KDM4C: variants seen among roughly 807,000 people sequenced by gnomAD.
KDM4C encodes lysine-specific demethylase 4C.
KDM4C carries 81 observed loss-of-function variants against 129.3 expected under a neutral mutation model. The ratio of observed to expected loss-of-function variants is 0.63; its 90% CI spans 0.52 to 0.75. The LOEUF (loss-of-function observed/expected upper bound fraction) is 0.75, where lower values mean the gene tolerates loss of function less well. Ranked by LOEUF, KDM4C falls within the 30% of genes least tolerant of loss-of-function variation. The pLI is 0.00. For synonymous variants in KDM4C, 573 were observed against 456.1 expected (o/e 1.26, Z -3.26); for missense variants, 1,457 against 1,304.0 (o/e 1.12, Z -1.81).
intron 1 of KDM4C, among the ~76,000 whole-genome samples, chr9:6,764,294 T>C (rs1384575029): frequency 6.6e-6 from 1 of 152,218 alleles, no homozygotes; most frequent in Non-Finnish European, 1.5e-5. Flanking sequence ...GAACAGAATA[T>C]AGACTATTAG....
chr9:7,068,686 C>CTTTTTTTTTTTTTTTTTT (rs542039227), intron 17 of KDM4C, among the ~76,000 whole-genome samples: 4 of 101,766 alleles, frequency 3.9e-5, no homozygotes, highest in African/African-American at 1.5e-4. Flanking sequence ...GATGCCCTTT[C>CTTTTTTTTTTTTTTTTTT]TTTTTTTTTT....
chr9:7,135,096 G>A (rs1382732781), intron 19 of KDM4C, among the ~76,000 whole-genome samples: 1 of 152,108 alleles, frequency 6.6e-6, no homozygotes. Context: ...TTTGTTTTAC[G>A]AATTGTGTGT....
chr9:6,847,841 T>G (rs2130056868), intron 4 of KDM4C, among the ~76,000 whole-genome samples: 1 of 152,332 alleles, frequency 6.6e-6, no homozygotes, highest in African/African-American at 2.4e-5. Flanking sequence ...AGTCAGAGTT[T>G]CATTAGCTGC....
chr9:7,156,882 C>G (rs1051017707), intron 19 of KDM4C, among the ~76,000 whole-genome samples: 3 of 152,172 alleles, frequency 2.0e-5, no homozygotes, highest in African/African-American at 7.2e-5. Context: ...TTTTCCAATT[C>G]TGTGAAGAAA....
chr9:7,110,501 T>C (rs1838199907), intron 18 of KDM4C, among the ~76,000 whole-genome samples: 1 of 152,220 alleles, frequency 6.6e-6, no homozygotes, highest in Non-Finnish European at 1.5e-5. Context: ...GACCTGTTTT[T>C]CTAAAATTCT....
chr9:6,797,759 C>G (rs537281017), intron 2 of KDM4C, among the ~76,000 whole-genome samples: 1 of 152,232 alleles, frequency 6.6e-6, no homozygotes, highest in African/African-American at 2.4e-5. Context: ...CTTCCTCCTC[C>G]TTGCTCACTA....
At chr9:6,835,420 A>G (rs1835705000) in intron 4 of KDM4C, 3 of 1,163,454 alleles carry the variant, frequency 2.6e-6, no homozygotes, top group Admixed American at 1.7e-5. Flanking sequence ...GGCGCCCAGC[A>G]CGATGAAGAT....
At chr9:7,135,161 G>A (rs1210586063) in intron 19 of KDM4C, among the ~76,000 whole-genome samples, 1 of 152,154 alleles carries the variant, frequency 6.6e-6, no homozygotes, top group Non-Finnish European at 1.5e-5. Flanking sequence ...ACTCATCACT[G>A]GGGATCCTCT....
chr9:6,804,067 C>G (rs1267349618), intron 2 of KDM4C, among the ~76,000 whole-genome samples: 4 of 152,190 alleles, frequency 2.6e-5, no homozygotes, highest in African/African-American at 9.7e-5. Flanking sequence ...AAGTGATTTA[C>G]CCATCTTGGC....
chr9:7,035,079 C>T, intron 15 of KDM4C, among the ~76,000 whole-genome samples: 1 of 151,800 alleles, frequency 6.6e-6, no homozygotes, highest in Non-Finnish European at 1.5e-5. Flanking sequence ...GTGGTGCTCT[C>T]TCAGCTCACT....
chr9:6,906,087 T>G (rs1045932193), intron 8 of KDM4C, among the ~76,000 whole-genome samples: 1 of 151,954 alleles, frequency 6.6e-6, no homozygotes. Flanking sequence ...AAGAAACATT[T>G]TGAGGTTGGA....
chr9:6,752,609 C>T (rs1818110279), intron 1 of KDM4C, among the ~76,000 whole-genome samples: 1 of 151,682 alleles, frequency 6.6e-6, no homozygotes, highest in Non-Finnish European at 1.5e-5. Context: ...GGAGTTTCAC[C>T]ATGTTGGTTA....
At chr9:6,982,614 T>C (rs1355795842) in intron 9 of KDM4C, 4 of 152,224 alleles carry the variant, frequency 2.6e-5, no homozygotes, top group African/African-American at 9.7e-5. Flanking sequence ...CTTTGATAAC[T>C]GTGTTAATTC....
intron 19 of KDM4C, among the ~76,000 whole-genome samples, chr9:7,151,473 AGCTATGTTGCTGGGCAAC>A (rs1427248845): frequency 6.6e-6 from 1 of 152,128 alleles, no homozygotes; most frequent in Non-Finnish European, 1.5e-5. Flanking sequence ...GGTTGTGCCC[AGCTATGTTGCTGGGCAAC>A]ATAGCAAGAC....
intron 8 of KDM4C, among the ~76,000 whole-genome samples, chr9:6,899,542 G>GTGTGT (rs1554633823): frequency 0.019 from 2,797 of 150,132 alleles, 70 homozygotes; most frequent in African/African-American, 0.06. Context: ...TTTCCATGGG[G>GTGTGT]GTGTGTGTGT....
At chr9:6,934,964 A>G (rs11788687) in intron 8 of KDM4C, among the ~76,000 whole-genome samples, 38,701 of 151,250 alleles carry the variant, frequency 0.26, 5,389 homozygotes, top group South Asian at 0.4. Context: ...TTTTTCTTTC[A>G]GTAGTGATTT....
At chr9:6,939,031 G>T (rs1323587620) in intron 8 of KDM4C, among the ~76,000 whole-genome samples, 1 of 151,632 alleles carries the variant, frequency 6.6e-6, no homozygotes, top group Non-Finnish European at 1.5e-5. Flanking sequence ...TAAAGCAGGG[G>T]TCCCCAACCC....
chr9:7,056,227 A>G (rs1830845998), intron 17 of KDM4C, among the ~76,000 whole-genome samples: 1 of 152,202 alleles, frequency 6.6e-6, no homozygotes. Flanking sequence ...GTGGTATGGT[A>G]TGTGGTGTCT....
chr9:6,956,310 A>G (rs960165379), intron 8 of KDM4C, among the ~76,000 whole-genome samples: 6 of 152,220 alleles, frequency 3.9e-5, no homozygotes, highest in African/African-American at 1.4e-4. Context: ...TCCATTCCCC[A>G]TGATGTGCTT....
Sources: allele counts gnomAD v4.1 joint callset (sites outside exome capture counted in the v4.1 genomes callset), GRCh38; gene constraint gnomAD v4.1.1; transcripts MANE v1.5; gene names NCBI Gene and HGNC (gene_info 2026-07-23, HGNC 2026-07-21).